The following IGSF10 variants were observed in gnomAD, a reference collection of about 807,000 sequenced individuals.
The protein encoded by IGSF10 is immunoglobulin superfamily member 10.
In IGSF10, 126 loss-of-function variants were observed where a neutral mutation model predicts 128.2. The observed-to-expected ratio is 0.98, with a 90% confidence interval of 0.85 to 1.14. The LOEUF (loss-of-function observed/expected upper bound fraction) is 1.14. Ranked by LOEUF, IGSF10 falls within the 50% of genes most tolerant of loss-of-function variation. IGSF10 has a pLI of 0.00. For synonymous variants in IGSF10, 1,185 were observed against 1,146.2 expected, an observed-to-expected ratio of 1.03 and a Z score of -0.68; for missense variants, 3,295 against 3,149.8, an observed-to-expected ratio of 1.05 and a Z score of -1.10.
chr3:151,545,266 TA>T, the IGSF10 span, among the ~76,000 whole-genome samples: 1 of 152,168 alleles, frequency 6.6e-6, no homozygotes, highest in Non-Finnish European at 1.5e-5. Flanking sequence ...CACTTGTAGT[TA>T]AAAGGAGGCC....
chr3:151,449,854 C>A (rs1241941997), intron 5 of IGSF10, among the ~76,000 whole-genome samples: 2 of 152,010 alleles, frequency 1.3e-5, no homozygotes. Context: ...ATGCAGGAGA[C>A]AATGAAGAAG....
At chr3:151,556,759 C>T in the IGSF10 span, among the ~76,000 whole-genome samples, 6 of 152,062 alleles carry the variant, frequency 3.9e-5, no homozygotes, top group African/African-American at 1.4e-4. Flanking sequence ...TGTAGAGAAG[C>T]TTGATTGTTA....
At chr3:151,561,753 A>G in the IGSF10 span, among the ~76,000 whole-genome samples, 1 of 152,140 alleles carries the variant, frequency 6.6e-6, no homozygotes, top group Non-Finnish European at 1.5e-5. Flanking sequence ...AGAGGTATAC[A>G]TATCTCTGGT....
the IGSF10 span, among the ~76,000 whole-genome samples, chr3:151,574,342 A>G: frequency 6.6e-6 from 1 of 152,254 alleles, no homozygotes; most frequent in South Asian, 2.1e-4. Context: ...TCCCTGTCAC[A>G]TTCAGGTACA....
intron 7 of IGSF10, among the ~76,000 whole-genome samples, chr3:151,439,443 T>C (rs1720702243): frequency 6.6e-6 from 1 of 152,116 alleles, no homozygotes; most frequent in Non-Finnish European, 1.5e-5. Context: ...CAAAACCCCA[T>C]CTCTACTAAA....
the IGSF10 span, among the ~76,000 whole-genome samples, chr3:151,536,284 A>G: frequency 6.6e-6 from 1 of 152,136 alleles, no homozygotes; most frequent in Non-Finnish European, 1.5e-5. Flanking sequence ...TGAAGGTAGG[A>G]CTGGCAGCCT....
At chr3:151,530,909 C>T in the IGSF10 span, among the ~76,000 whole-genome samples, 1 of 151,572 alleles carries the variant, frequency 6.6e-6, no homozygotes, top group Non-Finnish European at 1.5e-5. Flanking sequence ...AGTTAAAAGA[C>T]ACAGACTGGT....
At chr3:151,509,033 C>A in the IGSF10 span, among the ~76,000 whole-genome samples, 1 of 152,150 alleles carries the variant, frequency 6.6e-6, no homozygotes. Flanking sequence ...CGTCTGAAAA[C>A]TTCACAGCAC....
At chr3:151,587,340 T>C in the IGSF10 span, among the ~76,000 whole-genome samples, 1 of 152,170 alleles carries the variant, frequency 6.6e-6, no homozygotes, top group East Asian at 1.9e-4. Flanking sequence ...AATGTCATCT[T>C]GTATTGTGAA....
rs541699860 is a variant in IGSF10 at position 151,448,346 on chromosome 3, G to A, written c.1635C>T (p.Asp545=). ...TGCTTATACAGTGATATACGCCTGT[G>A]TCAAAACTATCAGCCATCTGGAGTT... ...KLELQMADSF[D]TGVYHCISSN... is the part of the protein sequence containing the mutation. The change falls in exon 6 of 8, where the codon GAC becomes GAT. Residue 545 remains aspartate (D), a synonymous_variant. Coordinates refer to ENST00000282466, the MANE Select transcript of IGSF10 (RefSeq NM_178822.5). The A allele has an allele frequency of 1.2e-6, 2 of 1,614,190 alleles. No individual in the cohort carries two copies. The highest frequency in any genetic ancestry group is 1.7e-6 in the Non-Finnish European group (2 of 1,180,002).
At position 151,436,647 on chromosome 3, in the gene IGSF10, A is replaced by AAAT. The variant is rs142016761; in HGVS notation, c.*39_*41dup. On this transcript the variant is annotated 3_prime_UTR_variant, in exon 8 of 8. Coordinates refer to ENST00000282466, the MANE Select transcript of IGSF10 (RefSeq NM_178822.5). ...TGCCTTTGATTAAACTTCTTCCAAA[A>AAAT]AATAAATTCTGCCCAGATGTTGTTG... is the stretch of plus-strand genomic sequence containing the variant. 56,100 of 1,422,700 alleles carry AAAT rather than the reference A, an allele frequency of 0.039. 1,290 individuals carry two copies. The highest frequency in any genetic ancestry group is 0.046 in the Non-Finnish European group (47,617 of 1,045,056). The allele number at this position is 1,422,700 out of a possible 1,614,324, so 88.1% of individuals were successfully genotyped here. A position where few individuals can be genotyped will look rare whatever the true frequency, so the allele number is the denominator to read the frequency against.
the IGSF10 span, among the ~76,000 whole-genome samples, chr3:151,559,925 T>C: frequency 1.3e-5 from 2 of 152,128 alleles, no homozygotes; most frequent in Non-Finnish European, 2.9e-5. Flanking sequence ...CAGTTGGTCC[T>C]TGGGTCATCT....
At position 151,443,687 on chromosome 3, in the gene IGSF10, C is replaced by G; in HGVS notation, c.5260G>C (p.Glu1754Gln). 6.2e-7 allele frequency: 1 copy of G among 1,614,188 alleles called. No individual in the cohort carries two copies. Among genetic ancestry groups the G allele is most frequent in the Non-Finnish European group, 8.5e-7 (1 of 1,180,038 alleles). Residue 1754 changes from glutamate to glutamine, a missense_variant, in exon 7 of 8, where the codon GAG (glutamate) becomes CAG (glutamine). Coordinates refer to ENST00000282466, the MANE Select transcript of IGSF10 (RefSeq NM_178822.5). The stretch of plus-strand genomic sequence containing the variant: ...GTGCTTCCGGAATGAACTGTGATCT[C>G]TTTGGTACGTCTCTCCAGGATCCTG... ...PPRILERRTK[E>Q]ITVHSGSTVE...
In IGSF10 at chr3:151,446,447, T is replaced by A; in HGVS notation, c.3534A>T (p.Thr1178=). 6.2e-7 allele frequency: 1 copy of A among 1,614,136 alleles called. No individual in the cohort carries two copies. The highest frequency in any genetic ancestry group is 1.1e-5 in the South Asian group (1 of 91,082). The stretch of plus-strand genomic sequence containing the variant: ...TGGTGATAGCACCTGAAAGTGACGA[T>A]GTAATCACTGAATCTCTTTTAGCTT... The part of the protein sequence containing the change: ...TNEAKRDSVI[T]SSLSGAITKP... The change falls in exon 6 of 8, where the codon ACA becomes ACT. Residue 1178 remains threonine, a synonymous_variant. Transcript: ENST00000282466.
chr3:151,516,254 G>A, the IGSF10 span, among the ~76,000 whole-genome samples: 1 of 152,014 alleles, frequency 6.6e-6, no homozygotes, highest in Non-Finnish European at 1.5e-5. Context: ...TTTCTCCCTG[G>A]AAGATGATGA....
Position 151,448,529 on chromosome 3 carries a change from T to C in IGSF10, c.1452A>G (p.Glu484=), listed in dbSNP as rs887109475. 49 of 1,614,120 alleles carry C rather than the reference T, an allele frequency of 3.0e-5. No individual in the cohort carries two copies. Among genetic ancestry groups the C allele is most frequent in the Middle Eastern group, 1.6e-4 (1 of 6,084 alleles). The stretch of plus-strand genomic sequence containing the variant: ...CGGTTCCACCTACCAAGACAGTATG[T>C]TCCAGCTTAGTATTGTTATCCCTTG... ...MISRDNNTKL[E]HTVLVGGTVG... is the part of the protein sequence containing the mutation. Residue 484 remains glutamate, a synonymous_variant, in exon 6 of 8, where the codon GAA becomes GAG. Coordinates refer to ENST00000282466, the MANE Select transcript of IGSF10 (RefSeq NM_178822.5).
chr3:151,460,016 G>A (rs2108581677), intron 2 of IGSF10, among the ~76,000 whole-genome samples: 1 of 152,214 alleles, frequency 6.6e-6, no homozygotes, highest in South Asian at 2.1e-4. Context: ...GTAACCACCT[G>A]GTTACAATAA....
At chr3:151,558,027 A>ATTATATATATAATATATATATATATAT in the IGSF10 span, among the ~76,000 whole-genome samples, 5 of 52,926 alleles carry the variant, frequency 9.4e-5, no homozygotes, top group Non-Finnish European at 1.3e-4. Context: ...TAATATATAT[A>ATTATATATATAATATATATATATATAT]TTGGTACAAT....
At chr3:151,503,146 C>T in the IGSF10 span, among the ~76,000 whole-genome samples, 2 of 151,966 alleles carry the variant, frequency 1.3e-5, no homozygotes, top group African/African-American at 2.4e-5. Flanking sequence ...AAAGCAAAGG[C>T]AAATCCTCTC....
Sources: allele counts gnomAD v4.1 joint callset (sites outside exome capture counted in the v4.1 genomes callset), GRCh38; gene constraint gnomAD v4.1.1; transcripts MANE v1.5; gene names NCBI Gene and HGNC (gene_info 2026-07-23, HGNC 2026-07-21).